Variants in FAM72D observed in about 807,000 individuals in gnomAD.
The protein encoded by FAM72D is protein FAM72D.
For missense variants in FAM72D, 9 were observed against 104.7 expected, an observed-to-expected ratio of 0.09 and a Z score of 3.99; for synonymous variants, 4 against 35.1, an observed-to-expected ratio of 0.11 and a Z score of 3.13.
chr1:145,105,614 G>A (rs1345435148), intron 3 of FAM72D, among the ~76,000 whole-genome samples: 5 of 148,468 alleles, frequency 3.4e-5, no homozygotes, highest in Admixed American at 6.7e-5. Context: ...GAAGTGAGCC[G>A]AGATCGCACC....
Position 145,112,399 on chromosome 1 carries a change from A to G in FAM72D, c.*802A>G, listed in dbSNP as rs1265198796. Reference sequence around the variant, plus strand: ...AAGCGATTTGCTTAAGCCATTGTACATTATAAAGAGCTGTTTTGTTTTGCT... The same window carrying G: ...AAGCGATTTGCTTAAGCCATTGTACGTTATAAAGAGCTGTTTTGTTTTGCT... On this transcript the variant is annotated 3_prime_UTR_variant, in exon 4 of 4. Transcript: ENST00000400889. The G allele has an allele frequency of 1.3e-5, 2 of 151,264 alleles. No homozygotes were observed. Among genetic ancestry groups the G allele is most frequent in the African/African-American group, 4.9e-5 (2 of 40,836 alleles). 9.4% of individuals were successfully genotyped at this position (151,264 alleles called of 1,614,324 possible).
intron 3 of FAM72D, among the ~76,000 whole-genome samples, chr1:145,105,613 C>T (rs1410893720): frequency 2.7e-5 from 4 of 148,078 alleles, no homozygotes; most frequent in Admixed American, 1.3e-4. Context: ...TGAAGTGAGC[C>T]GAGATCGCAC....
At chr1:145,105,765 C>CAA (rs1654892693) in intron 3 of FAM72D, among the ~76,000 whole-genome samples, 1 of 149,410 alleles carries the variant, frequency 6.7e-6, no homozygotes, top group African/African-American at 2.5e-5. Context: ...CCAGCCTGAC[C>CAA]AACATGGAGA....
intron 1 of FAM72D, 148 bp downstream of exon 1, chr1:145,097,147 TG>T (rs1553637325): frequency 6.6e-7 from 1 of 1,517,076 alleles, no homozygotes; most frequent in African/African-American, 1.6e-5. Flanking sequence ...TATATCTAAG[TG>T]GGCAGACTGT....
chr1:145,107,504 G>T (rs1434030697), intron 3 of FAM72D, among the ~76,000 whole-genome samples: 2 of 125,310 alleles, frequency 1.6e-5, no homozygotes, highest in African/African-American at 3.0e-5. Flanking sequence ...CTCCCAAAGT[G>T]CTGGGATTAC....
intron 3 of FAM72D, among the ~76,000 whole-genome samples, chr1:145,107,355 C>T (rs1354728192): frequency 2.4e-5 from 3 of 124,436 alleles, no homozygotes; most frequent in South Asian, 2.7e-4. Context: ...AAGCGATTCT[C>T]GTGCCTCAGC....
chr1:145,097,253 A>G (rs1368444338), intron 1 of FAM72D, among the ~76,000 whole-genome samples: 1 of 130,806 alleles, frequency 7.6e-6, no homozygotes, highest in Non-Finnish European at 1.5e-5. Flanking sequence ...CTTAAGTTTG[A>G]TCCCTGGTTC....
At chr1:145,100,001 A>C (rs1571195173) in intron 2 of FAM72D, among the ~76,000 whole-genome samples, 4 of 135,788 alleles carry the variant, frequency 2.9e-5, no homozygotes, top group Non-Finnish European at 1.6e-5. Context: ...CTGCTCTTGA[A>C]CTCCCAACCT....
Position 145,112,441 on chromosome 1 carries a change from T to G in FAM72D, c.*844T>G, listed in dbSNP as rs1367670016. 6.7e-6 allele frequency: 1 copy of G among 150,002 alleles called. No homozygotes were observed. Among genetic ancestry groups the G allele is most frequent in the Non-Finnish European group, 1.5e-5 (1 of 67,920 alleles). The allele number at this position is 150,002 out of a possible 1,614,324, so 9.3% of individuals were successfully genotyped here. Reference sequence around the variant, plus strand: ...TGTTTTGCTTTGCTTTGCTTTGTTTTGTTTTTTTAAAGCTGCATTCAGAGC... The same window carrying G: ...TGTTTTGCTTTGCTTTGCTTTGTTTGGTTTTTTTAAAGCTGCATTCAGAGC... On this transcript the variant is annotated 3_prime_UTR_variant, in exon 4 of 4. Coordinates refer to ENST00000400889, the MANE Select transcript of FAM72D (RefSeq NM_207418.3).
At chr1:145,102,079 T>A in intron 2 of FAM72D, among the ~76,000 whole-genome samples, 1 of 134,012 alleles carries the variant, frequency 7.5e-6, no homozygotes, top group Admixed American at 7.1e-5. Context: ...AAAAAAAAAA[T>A]GTGAAAGACT....
In FAM72D at chr1:145,102,747, C is replaced by T. The variant is rs587752708; in HGVS notation, c.231-260C>T. On this transcript the variant is annotated intron_variant, in intron 2 of 3. Transcript: ENST00000400889. ...GGGTGACAAGAGCAAAACTCGGTCT[C>T]AATAATAATAATAATAATAATAATA... is the stretch of plus-strand genomic sequence containing the variant. Among the ~76,000 whole-genome samples, 84 of 114,974 alleles carry T rather than the reference C, an allele frequency of 7.3e-4. 2 individuals are homozygous for T. Among genetic ancestry groups the T allele is most frequent in the South Asian group, 1.4e-3 (5 of 3,466 alleles). The allele number at this position is 114,974 out of a possible 152,430, so 75.4% of individuals were successfully genotyped here.
At position 145,107,353 on chromosome 1, in the gene FAM72D, C is replaced by T. The variant is rs1285904116; in HGVS notation, c.356-4150C>T. On this transcript the variant is annotated intron_variant, in intron 3 of 3. Coordinates refer to ENST00000400889, the MANE Select transcript of FAM72D (RefSeq NM_207418.3). ...CTCTGCCTCCCGGGTTCAAGCGATT[C>T]TCGTGCCTCAGCCTCCCGAGTAGCG... 5.7e-5 allele frequency among the ~76,000 whole-genome samples: 7 copies of T among 123,176 alleles called. No homozygotes were observed. The East Asian group carries it at 1.2e-3, about 21-fold the overall frequency. The allele number at this position is 123,176 out of a possible 152,430, so 80.8% of individuals were successfully genotyped here.
intron 2 of FAM72D, among the ~76,000 whole-genome samples, chr1:145,100,756 T>C (rs1336580073): frequency 6.6e-6 from 1 of 150,426 alleles, no homozygotes; most frequent in African/African-American, 2.5e-5. Context: ...CCTCCCTAAG[T>C]GCTAGGATTA....
At chr1:145,100,775 A>G (rs1474691360) in intron 2 of FAM72D, among the ~76,000 whole-genome samples, 3 of 150,492 alleles carry the variant, frequency 2.0e-5, no homozygotes, top group African/African-American at 7.5e-5. Flanking sequence ...TACAGGCGTG[A>G]GCCACCGCAC....
chr1:145,105,584 GA>G (rs1553638340), intron 3 of FAM72D, among the ~76,000 whole-genome samples: 2 of 146,936 alleles, frequency 1.4e-5, no homozygotes, highest in African/African-American at 5.1e-5. Context: ...AGAATCACTT[GA>G]ACCCAGGAGG....
chr1:145,096,800 T>C lies in FAM72D; in HGVS notation c.-48T>C. 1 of 554,162 alleles carries C rather than the reference T, an allele frequency of 1.8e-6. No homozygotes were observed. The highest frequency in any genetic ancestry group is 2.1e-5 in the South Asian group (1 of 48,060). 34.3% of individuals were successfully genotyped at this position (554,162 alleles called of 1,614,324 possible). On this transcript the variant is annotated 5_prime_UTR_variant, in exon 1 of 4. Transcript: ENST00000400889. ...GGAATCAAAATAGTAGGAGCATTAC[T>C]CTTGTTTCCTTTTTCAAAATCCCAC...
At chr1:145,100,856 A>G (rs1388150315) in intron 2 of FAM72D, among the ~76,000 whole-genome samples, 8 of 148,864 alleles carry the variant, frequency 5.4e-5, no homozygotes, top group Admixed American at 1.3e-4. Context: ...GGCTGGTCTC[A>G]AACTCCTGAC....
Position 145,112,429 on chromosome 1 carries a change from T to A in FAM72D, c.*832T>A. On this transcript the variant is annotated 3_prime_UTR_variant, in exon 4 of 4. Transcript: ENST00000400889. ...AAAGAGCTGTTTTGTTTTGCTTTGC[T>A]TTGCTTTGTTTTGTTTTTTTAAAGC... 1 of 150,548 alleles carries A rather than the reference T, an allele frequency of 6.6e-6. No individual in the cohort carries two copies. Among genetic ancestry groups the A allele is most frequent in the Non-Finnish European group, 1.5e-5 (1 of 67,906 alleles). 9.3% of individuals were successfully genotyped at this position (150,548 alleles called of 1,614,324 possible).
chr1:145,100,964 C>T (rs1172993951), intron 2 of FAM72D, among the ~76,000 whole-genome samples: 11 of 148,982 alleles, frequency 7.4e-5, no homozygotes, highest in African/African-American at 1.0e-4. Context: ...TGTTTTGAGA[C>T]GGAGTCTTGC....
Sources: allele counts gnomAD v4.1 joint callset (sites outside exome capture counted in the v4.1 genomes callset), GRCh38; gene constraint gnomAD v4.1.1; transcripts MANE v1.5; gene names NCBI Gene and HGNC (gene_info 2026-07-23, HGNC 2026-07-21).